The following PALM2AKAP2 variants were observed in gnomAD, a reference collection of about 807,000 sequenced individuals.
The protein encoded by PALM2AKAP2 is PALM2-AKAP2 fusion protein.
PALM2AKAP2 carries 37 observed loss-of-function variants against 71.5 expected under a neutral mutation model. The ratio of observed to expected loss-of-function variants is 0.52; its 90% CI spans 0.40 to 0.68. The LOEUF is 0.68. PALM2AKAP2 is among the 30% of genes least tolerant of loss of function. PALM2AKAP2 has a pLI of 0.00. For missense variants in PALM2AKAP2, 1,224 were observed against 1,191.8 expected (o/e 1.03, Z -0.40); for synonymous variants, 468 against 478.8 (o/e 0.98, Z 0.29).
intron 1 of PALM2AKAP2, among the ~76,000 whole-genome samples, chr9:110,096,957 T>TTTATTTATTTATTTA (rs1554751295): frequency 1.4e-5 from 2 of 141,306 alleles, no homozygotes; most frequent in African/African-American, 6.1e-5. Context: ...TATTTATTTA[T>TTTATTTATTTATTTA]TTATTATTTT....
At chr9:110,023,305 C>CCTTTTTTT (rs1833108233) in intron 7 of PALM2AKAP2, among the ~76,000 whole-genome samples, 1 of 74,038 alleles carries the variant, frequency 1.4e-5, no homozygotes, top group African/African-American at 6.2e-5. Flanking sequence ...ATTGTGGTTT[C>CCTTTTTTT]TTTTTTTTTT....
chr9:110,064,187 A>G (rs1834023983), intron 1 of PALM2AKAP2, among the ~76,000 whole-genome samples: 2 of 152,218 alleles, frequency 1.3e-5, no homozygotes, highest in Non-Finnish European at 2.9e-5. Flanking sequence ...GGAAGCAAGG[A>G]GTTAAAAGCC....
chr9:110,044,846 G>A (rs1384098729), upstream of PALM2AKAP2, among the ~76,000 whole-genome samples: 1 of 152,050 alleles, frequency 6.6e-6, no homozygotes. Flanking sequence ...TCAGTTCTCT[G>A]AGACACTTCT....
In PALM2AKAP2 at chr9:109,742,854, C is replaced by T. The variant is rs527325048; in HGVS notation, c.6-37634C>T. On this transcript the variant is annotated intron_variant, in intron 1 of 6. Transcript: ENST00000374531. ...CACTCTCAACTTCCCTTGAAAATTT[C>T]CAGAAAGGCTCAGAAACAAGAAAAA... 2.9e-3 allele frequency among the ~76,000 whole-genome samples: 445 copies of T among 152,204 alleles called. 2 individuals carry two copies. Among genetic ancestry groups the T allele is most frequent in the African/African-American group, 9.9e-3 (413 of 41,542 alleles).
chr9:109,834,194 C>T (rs1216641967), intron 1 of PALM2AKAP2, among the ~76,000 whole-genome samples: 1 of 152,188 alleles, frequency 6.6e-6, no homozygotes, highest in African/African-American at 2.4e-5. Context: ...GCCTGGGTGA[C>T]AGAGCGAGAC....
intron 3 of PALM2AKAP2, among the ~76,000 whole-genome samples, chr9:110,157,806 C>G (rs1448061550): frequency 6.6e-6 from 1 of 152,182 alleles, no homozygotes; most frequent in Non-Finnish European, 1.5e-5. Flanking sequence ...GTTTTATTGC[C>G]TTTTATATCC....
intron 1 of PALM2AKAP2, among the ~76,000 whole-genome samples, chr9:110,098,921 A>G (rs1422933687): frequency 6.6e-6 from 1 of 152,076 alleles, no homozygotes; most frequent in Non-Finnish European, 1.5e-5. Context: ...TTTCCACCCC[A>G]TCCTTCCTCT....
At position 110,136,154 on chromosome 9, in the gene PALM2AKAP2, A is replaced by G. The variant is rs761775029; in HGVS notation, c.184A>G (p.Ile62Val). ...GCCTCCCCAGCTTTCTGAGGATGATATCTGGCTAAAAAGCGAGGGAGACAA... is the reference window on the plus strand; with the variant it reads ...GCCTCCCCAGCTTTCTGAGGATGATGTCTGGCTAAAAAGCGAGGGAGACAA... The change falls in exon 2 of 4, where the codon ATC (isoleucine) becomes GTC (valine). Residue 62 changes from isoleucine to valine, a missense_variant. Transcript: ENST00000374525. 3.1e-6 allele frequency: 5 copies of G among 1,595,964 alleles called. No homozygotes were observed. The South Asian group carries it at 4.6e-5, about 15-fold the overall frequency.
chr9:110,062,096 A>T (rs973763272), intron 1 of PALM2AKAP2, among the ~76,000 whole-genome samples: 1 of 152,222 alleles, frequency 6.6e-6, no homozygotes, highest in African/African-American at 2.4e-5. Context: ...CATTAAAAAA[A>T]TTTTATTTTA....
intron 3 of PALM2AKAP2, among the ~76,000 whole-genome samples, chr9:109,922,162 G>A (rs767592414): frequency 6.6e-6 from 1 of 152,018 alleles, no homozygotes; most frequent in Non-Finnish European, 1.5e-5. Flanking sequence ...GCTCACGCCT[G>A]TAGTCTCAGC....
intron 1 of PALM2AKAP2, among the ~76,000 whole-genome samples, chr9:109,756,090 G>C (rs1388897876): frequency 1.3e-5 from 2 of 152,060 alleles, no homozygotes; most frequent in Non-Finnish European, 1.5e-5. Flanking sequence ...GGTATATATA[G>C]TTATAACACT....
chr9:110,098,065 G>T (rs1469385704), intron 1 of PALM2AKAP2, among the ~76,000 whole-genome samples: 5 of 145,934 alleles, frequency 3.4e-5, no homozygotes, highest in African/African-American at 1.4e-4. Context: ...GCAGGCTGAG[G>T]CAGGAGAATC....
At chr9:110,062,244 T>TC (rs1281633858) in intron 1 of PALM2AKAP2, among the ~76,000 whole-genome samples, 1 of 152,096 alleles carries the variant, frequency 6.6e-6, no homozygotes, top group African/African-American at 2.4e-5. Flanking sequence ...ATGCTCTCCC[T>TC]CCCCACCCCC....
intron 2 of PALM2AKAP2, among the ~76,000 whole-genome samples, chr9:109,869,764 C>A (rs1005547606): frequency 2.6e-5 from 4 of 152,156 alleles, no homozygotes; most frequent in African/African-American, 4.8e-5. Flanking sequence ...AGGGAATCAG[C>A]TAGTTCTTTA....
chr9:109,910,611 A>C (rs970807602), intron 3 of PALM2AKAP2, among the ~76,000 whole-genome samples: 3 of 152,226 alleles, frequency 2.0e-5, no homozygotes, highest in Non-Finnish European at 4.4e-5. Flanking sequence ...AGTCAAACAG[A>C]TCCACACCAA....
At chr9:110,044,344 CTTTTTTTTT>C (rs57314430), upstream of PALM2AKAP2, among the ~76,000 whole-genome samples, 7 of 80,154 alleles carry the variant, frequency 8.7e-5, no homozygotes, top group Non-Finnish European at 1.1e-4. Flanking sequence ...TTCTTTCTTT[CTTTTTTTTT>C]TTTTTTTTTT....
intron 1 of PALM2AKAP2, among the ~76,000 whole-genome samples, chr9:109,818,353 G>A (rs1280295377): frequency 1.3e-5 from 2 of 152,096 alleles, no homozygotes; most frequent in African/African-American, 2.4e-5. Context: ...GGAAACTGAA[G>A]CTGTGGTTAT....
At chr9:109,919,735 A>ATATGTGTG (rs397798803) in intron 3 of PALM2AKAP2, among the ~76,000 whole-genome samples, 7 of 142,964 alleles carry the variant, frequency 4.9e-5, no homozygotes, top group African/African-American at 1.8e-4. Context: ...GTGTATACAT[A>ATATGTGTG]TGTGTGTGTG....
chr9:109,955,075 G>A (rs1255209532), intron 6 of PALM2AKAP2, among the ~76,000 whole-genome samples: 10 of 151,888 alleles, frequency 6.6e-5, no homozygotes, highest in Non-Finnish European at 1.2e-4. Context: ...TCACCTGCCT[G>A]GCCCCTATTG....
Sources: allele counts gnomAD v4.1 joint callset (sites outside exome capture counted in the v4.1 genomes callset), GRCh38; gene constraint gnomAD v4.1.1; transcripts MANE v1.5; gene names NCBI Gene and HGNC (gene_info 2026-07-23, HGNC 2026-07-21).